SASH1: variants seen among roughly 807,000 people sequenced by gnomAD.
SASH1 encodes SAM and SH3 domain containing 1, also known as SAM and SH3 domain-containing protein 1.
A neutral mutation model predicts 125.2 loss-of-function variants in SASH1; 44 were observed. That is an observed-to-expected ratio of 0.35 (90% CI 0.28 to 0.45). SASH1 has a LOEUF of 0.45. Among genes scored for constraint, SASH1 ranks in the 20% least tolerant of loss-of-function variants. The probability of loss-of-function intolerance (pLI) is 1.00; values close to 1 mark genes in which losing one functional copy is unlikely to be tolerated. For missense variants in SASH1, 1,426 were observed against 1,614.5 expected, an observed-to-expected ratio of 0.88 and a Z score of 2.00; for synonymous variants, 639 against 649.1, an observed-to-expected ratio of 0.98 and a Z score of 0.24.
In SASH1 at chr6:148,532,998, C is replaced by G; in HGVS notation, c.1734+32C>G. 6.2e-7 allele frequency: 1 copy of G among 1,607,718 alleles called. No homozygotes were observed. The highest frequency in any genetic ancestry group is 8.5e-7 in the Non-Finnish European group (1 of 1,174,936). On this transcript the variant is annotated intron_variant, in intron 14 of 19. Transcript: ENST00000367467. This position sits in a 1 kb window ranked among gnomAD's most constrained non-coding sequence, Gnocchi z 4.7. ...CTCTCCCTGGCCTCAGAGCAGCTAA[C>G]TGGGCTCTTCCATTTCTCTAGGAGG... is the stretch of plus-strand genomic sequence containing the variant.
intron 9 of SASH1, among the ~76,000 whole-genome samples, chr6:148,515,473 C>T (rs1355525546): frequency 6.6e-6 from 1 of 151,952 alleles, no homozygotes; most frequent in Admixed American, 6.6e-5. Context: ...TGGTATTATT[C>T]GTGGGTTTAA....
chr6:148,212,003 G>A, the SASH1 span, among the ~76,000 whole-genome samples: 6 of 152,218 alleles, frequency 3.9e-5, no homozygotes, highest in Non-Finnish European at 8.8e-5. Context: ...GGGTGGGACT[G>A]AGGAATGTCC....
At chr6:148,521,526 C>T (rs1310899125) in intron 10 of SASH1, among the ~76,000 whole-genome samples, 4 of 152,224 alleles carry the variant, frequency 2.6e-5, no homozygotes, top group Non-Finnish European at 5.9e-5. Flanking sequence ...CCACATATTT[C>T]CACATGTTGA....
chr6:148,539,460 G>A (rs1378104459), intron 16 of SASH1, among the ~76,000 whole-genome samples: 1 of 152,020 alleles, frequency 6.6e-6, no homozygotes, highest in African/African-American at 2.4e-5. Flanking sequence ...GTGGATTTTG[G>A]TTTTCTACTC....
chr6:148,307,151 C>T (rs1780166578), intron 1 of SASH1, among the ~76,000 whole-genome samples: 1 of 151,070 alleles, frequency 6.6e-6, no homozygotes, highest in Non-Finnish European at 1.5e-5. Context: ...CAGAGTCTCG[C>T]TCTGTCATCC....
rs1442854601 is a variant in SASH1 at position 148,440,464 on chromosome 6, A to G, written c.386+57A>G. ...TTCCAAGAAGGTGTCTTTTAGGTCC[A>G]TGCTGACGGAAATCAAACAGGCGAT... On this transcript the variant is annotated intron_variant, in intron 4 of 19. Coordinates refer to ENST00000367467, the MANE Select transcript of SASH1 (RefSeq NM_015278.5). 1.5e-5 allele frequency: 22 copies of G among 1,460,464 alleles called. No individual in the cohort carries two copies. In the East Asian group the frequency reaches 3.8e-4, roughly 26 times the overall value. 90.5% of individuals were successfully genotyped at this position (1,460,464 alleles called of 1,614,324 possible). A position where few individuals can be genotyped will look rare whatever the true frequency, so the allele number is the denominator to read the frequency against.
At chr6:148,373,836 G>C (rs1363519891) in intron 1 of SASH1, among the ~76,000 whole-genome samples, 2 of 152,214 alleles carry the variant, frequency 1.3e-5, no homozygotes, top group African/African-American at 4.8e-5. Context: ...AGTTGAGCAT[G>C]ATGGTGTGCA....
chr6:148,211,083 G>C, the SASH1 span, among the ~76,000 whole-genome samples: 21 of 152,176 alleles, frequency 1.4e-4, no homozygotes, highest in African/African-American at 4.8e-4. Context: ...TTATCGAATT[G>C]TGGATATCAG....
At chr6:148,396,530 T>G (rs1383860373) in intron 2 of SASH1, among the ~76,000 whole-genome samples, 3 of 148,134 alleles carry the variant, frequency 2.0e-5, no homozygotes, top group Non-Finnish European at 4.5e-5. Context: ...TTGTTAATGG[T>G]GTAGGAATGA....
chr6:148,268,001 A>G (rs138969730), upstream of SASH1, among the ~76,000 whole-genome samples: 9 of 152,352 alleles, frequency 5.9e-5, 1 homozygote, highest in Admixed American at 2.0e-4. Flanking sequence ...CGAAAGGCCA[A>G]TGTGTGTTAA....
intron 2 of SASH1, among the ~76,000 whole-genome samples, chr6:148,429,385 T>TAAA (rs61460366): frequency 0.082 from 6,091 of 73,892 alleles, 361 homozygotes; most frequent in Non-Finnish European, 0.1. Context: ...CCCTGTCTCT[T>TAAA]AAAAAAAAAA....
chr6:148,228,607 G>C, the SASH1 span, among the ~76,000 whole-genome samples: 1 of 152,234 alleles, frequency 6.6e-6, no homozygotes, highest in Non-Finnish European at 1.5e-5. Flanking sequence ...AGACTCCCCA[G>C]AGGTTCCAGC....
In SASH1 at chr6:148,476,013, G is replaced by A. The variant is rs544891998; in HGVS notation, c.627+1791G>A. ...CATAGTACTGAAAGTCCTAGCTATA[G>A]CAATCAGGCAAGAGAGAGAAATAAA... On this transcript the variant is annotated intron_variant, in intron 7 of 19. Coordinates refer to ENST00000367467, the MANE Select transcript of SASH1 (RefSeq NM_015278.5). 1.3e-3 allele frequency among the ~76,000 whole-genome samples: 194 copies of A among 152,146 alleles called. 1 individual carries two copies. The highest frequency in any genetic ancestry group is 4.3e-3 in the African/African-American group (177 of 41,504).
rs1254417499 is a variant in SASH1 at position 148,540,572 on chromosome 6, G to A, written c.2209+16G>A. 1 of 1,588,998 alleles carries A rather than the reference G, an allele frequency of 6.3e-7. No homozygotes were observed. The highest frequency in any genetic ancestry group is 8.6e-7 in the Non-Finnish European group (1 of 1,158,428). On this transcript the variant is annotated intron_variant, in intron 17 of 19. Transcript: ENST00000367467. ...CTGGAAAACGGTAATGTCAGCATGA[G>A]TCGCTGGGAACCTGCTTTGACAAGT...
chr6:148,386,381 G>A (rs972746493), intron 1 of SASH1, among the ~76,000 whole-genome samples: 1 of 152,178 alleles, frequency 6.6e-6, no homozygotes. Flanking sequence ...AGTCCAAGAC[G>A]ACGGTTGGTT....
At chr6:148,496,672 A>C (rs1384124500) in intron 8 of SASH1, among the ~76,000 whole-genome samples, 1 of 152,166 alleles carries the variant, frequency 6.6e-6, no homozygotes, top group Non-Finnish European at 1.5e-5. Flanking sequence ...CAGGAGGATC[A>C]CTTGAGGCCA....
chr6:148,368,550 T>A (rs1237342905), intron 1 of SASH1, among the ~76,000 whole-genome samples: 1 of 152,094 alleles, frequency 6.6e-6, no homozygotes, highest in Non-Finnish European at 1.5e-5. Flanking sequence ...GGATTACGGG[T>A]GTGAGCCACT....
chr6:148,270,684 CA>C (rs67378590), upstream of SASH1, among the ~76,000 whole-genome samples: 31,770 of 151,766 alleles, frequency 0.21, 3,630 homozygotes, highest in South Asian at 0.29. Flanking sequence ...CTTTTGAAAA[CA>C]AAAAAACAAA....
rs921304893 is a variant in SASH1, at chr6:148,450,633, G to A, written c.386+10226G>A. On this transcript the variant is annotated intron_variant, in intron 4 of 19. Coordinates refer to ENST00000367467, the MANE Select transcript of SASH1 (RefSeq NM_015278.5). ...ATTGTTGTTAACATCATCATAACGT[G>A]GCTTCTCGGGTGATGTCTATGTACT... 6.0e-5 allele frequency among the ~76,000 whole-genome samples: 9 copies of A among 150,204 alleles called. No homozygotes were observed. The East Asian group carries it at 1.6e-3, about 26-fold the overall frequency.
Sources: gnomAD v4.1 joint callset for allele counts (sites outside exome capture counted in the v4.1 genomes callset) on GRCh38, gnomAD v4.1.1 for gene constraint, Gnocchi (gnomAD v3.1) non-coding constraint, MANE v1.5 for transcripts, NCBI Gene and HGNC (gene_info 2026-07-23, HGNC 2026-07-21) for gene names.